Variants in GRIP1 observed in about 807,000 individuals in gnomAD.
GRIP1 encodes glutamate receptor-interacting protein 1.
GRIP1 carries 45 observed loss-of-function variants against 129.9 expected under a neutral mutation model. The ratio of observed to expected loss-of-function variants is 0.35; its 90% CI spans 0.27 to 0.44. The LOEUF is 0.44. Among genes scored for constraint, GRIP1 ranks in the 20% least tolerant of loss-of-function variants. GRIP1 has a pLI of 1.00. For synonymous variants in GRIP1, 530 were observed against 520.8 expected (o/e 1.02, Z -0.24); for missense variants, 1,196 against 1,396.8 (o/e 0.86, Z 2.29).
At chr12:67,038,923 T>C (rs1173293613) in intron 1 of GRIP1, among the ~76,000 whole-genome samples, 2 of 152,052 alleles carry the variant, frequency 1.3e-5, no homozygotes, top group East Asian at 3.8e-4. Flanking sequence ...ACACATGCCC[T>C]AAAGTACTAG....
At chr12:66,905,307 C>T (rs145621893) in intron 1 of GRIP1, among the ~76,000 whole-genome samples, 5 of 152,198 alleles carry the variant, frequency 3.3e-5, no homozygotes. Context: ...CTGCTCCAAG[C>T]TCCTCACTTT....
chr12:66,967,659 T>C (rs112597936), intron 1 of GRIP1, among the ~76,000 whole-genome samples: 17 of 152,274 alleles, frequency 1.1e-4, no homozygotes, highest in African/African-American at 3.6e-4. Context: ...CTACAGGCTA[T>C]TCAAAATACT....
At chr12:66,429,013 C>T (rs2058066351) in intron 14 of GRIP1, among the ~76,000 whole-genome samples, 1 of 152,186 alleles carries the variant, frequency 6.6e-6, no homozygotes. Context: ...TTATTTGCTA[C>T]AATAAATCAC....
intron 1 of GRIP1, among the ~76,000 whole-genome samples, chr12:66,986,608 C>T (rs1243846271): frequency 6.9e-6 from 1 of 145,442 alleles, no homozygotes; most frequent in African/African-American, 2.6e-5. Flanking sequence ...TGTTCTCACT[C>T]ATAGGTGGGA....
chr12:66,499,941 T>C (rs1309482594), intron 7 of GRIP1, among the ~76,000 whole-genome samples: 1 of 152,024 alleles, frequency 6.6e-6, no homozygotes, highest in Non-Finnish European at 1.5e-5. Context: ...GCCCAGGGGG[T>C]CAGGGCTGCT....
intron 1 of GRIP1, among the ~76,000 whole-genome samples, chr12:66,702,232 T>G (rs567302022): frequency 6.6e-6 from 1 of 152,304 alleles, no homozygotes; most frequent in South Asian, 2.1e-4. Flanking sequence ...AAGCACCAGA[T>G]GCATTTAATT....
At chr12:66,457,566 G>T (rs2059004722) in intron 9 of GRIP1, among the ~76,000 whole-genome samples, 1 of 152,160 alleles carries the variant, frequency 6.6e-6, no homozygotes, top group Non-Finnish European at 1.5e-5. Context: ...CTTAACATAT[G>T]AATTTATATC....
chr12:66,903,812 A>G (rs2137280981), intron 1 of GRIP1, among the ~76,000 whole-genome samples: 1 of 152,352 alleles, frequency 6.6e-6, no homozygotes, highest in South Asian at 2.1e-4. Context: ...ATTAGATATC[A>G]CCAAAGGCAT....
chr12:66,707,858 A>T, intron 1 of GRIP1, among the ~76,000 whole-genome samples: 1 of 152,020 alleles, frequency 6.6e-6, no homozygotes, highest in African/African-American at 2.4e-5. Context: ...AAAAGAAATT[A>T]CTAGTGTCAT....
At chr12:66,693,685 G>A (rs1318860430) in intron 1 of GRIP1, among the ~76,000 whole-genome samples, 1 of 152,016 alleles carries the variant, frequency 6.6e-6, no homozygotes, top group Admixed American at 6.6e-5. Context: ...AGTGGACCAC[G>A]GACTCCCTAA....
chr12:66,492,751 T>G (rs1291046213), intron 7 of GRIP1, among the ~76,000 whole-genome samples: 1 of 152,228 alleles, frequency 6.6e-6, no homozygotes, highest in Non-Finnish European at 1.5e-5. Flanking sequence ...GGCTTACACC[T>G]GTAATCCCAG....
chr12:66,553,852 A>G, intron 2 of GRIP1, among the ~76,000 whole-genome samples: 1 of 152,004 alleles, frequency 6.6e-6, no homozygotes, highest in East Asian at 1.9e-4. Flanking sequence ...CCATGGAGGA[A>G]GCATTTGGAC....
intron 1 of GRIP1, among the ~76,000 whole-genome samples, chr12:66,767,802 T>C (rs997553323): frequency 3.3e-5 from 5 of 152,186 alleles, no homozygotes; most frequent in Non-Finnish European, 5.9e-5. Flanking sequence ...GGACATAACA[T>C]ACATGTTTTG....
chr12:66,577,430 T>A lies in GRIP1; in HGVS notation c.136+19417A>T, dbSNP rs577237532. Among the ~76,000 whole-genome samples, 16 of 152,358 alleles carry A rather than the reference T, an allele frequency of 1.1e-4. No individual in the cohort carries two copies. The Middle Eastern group carries it at 0.014, about 130-fold the overall frequency. ...GAACACAAAGGGGAAAATATGTGTA[T>A]GTGATGCACGCACATATTTTTTTAG... On this transcript the variant is annotated intron_variant, in intron 2 of 24. Transcript: ENST00000359742.
intron 1 of GRIP1, among the ~76,000 whole-genome samples, chr12:67,038,793 T>C (rs1862185004): frequency 6.6e-6 from 1 of 152,230 alleles, no homozygotes; most frequent in Admixed American, 6.5e-5. Context: ...CCCCTCATAA[T>C]TAGTTCAATT....
chr12:66,552,654 T>C (rs996849156), intron 2 of GRIP1, among the ~76,000 whole-genome samples: 1 of 152,112 alleles, frequency 6.6e-6, no homozygotes, highest in African/African-American at 2.4e-5. Flanking sequence ...AAAGAATGTA[T>C]AGATGAAATA....
chr12:66,923,136 C>A (rs191867366), intron 1 of GRIP1, among the ~76,000 whole-genome samples: 1 of 152,262 alleles, frequency 6.6e-6, no homozygotes. Context: ...GCAGCTGAAC[C>A]TAATTGCAAT....
chr12:66,862,812 T>C (rs1451415369), intron 1 of GRIP1, among the ~76,000 whole-genome samples: 1 of 152,018 alleles, frequency 6.6e-6, no homozygotes, highest in African/African-American at 2.4e-5. Context: ...CTAGATTCCA[T>C]CTCTCTATGT....
chr12:66,445,335 T>C lies in GRIP1; in HGVS notation c.1528A>G (p.Ser510Gly), dbSNP rs758789938. 1.9e-6 allele frequency: 3 copies of C among 1,614,080 alleles called. No individual in the cohort carries two copies. The highest frequency in any genetic ancestry group is 3.3e-5 in the Admixed American group (2 of 60,032). ...PPLISYIEAD[S>G]PAERCGVLQI... Reference sequence around the variant, plus strand: ...AAAGTGTCTCACCTCTCTGCTGGGCTGTCAGCTTCGATATAGGAAATCAGA... The same window carrying C: ...AAAGTGTCTCACCTCTCTGCTGGGCCGTCAGCTTCGATATAGGAAATCAGA... Residue 510 changes from serine (S) to glycine (G), a missense_variant, in exon 12 of 25, where the codon AGC becomes GGC. By Grantham distance (56) the Ser-to-Gly change is moderately conservative. Coordinates refer to ENST00000359742, the MANE Select transcript of GRIP1 (RefSeq NM_001366722.1).
Sources: gnomAD v4.1 joint callset for allele counts (sites outside exome capture counted in the v4.1 genomes callset) on GRCh38, gnomAD v4.1.1 for gene constraint, MANE v1.5 for transcripts, NCBI Gene and HGNC (gene_info 2026-07-23, HGNC 2026-07-21) for gene names.